The following SESTD1 variants were observed in gnomAD, a reference collection of about 807,000 sequenced individuals.
SESTD1 encodes SEC14 domain and spectrin repeat-containing protein 1.
SESTD1 carries 43 observed loss-of-function variants against 101.7 expected under a neutral mutation model. The ratio of observed to expected loss-of-function variants is 0.42; its 90% CI spans 0.33 to 0.55. The LOEUF is 0.55. SESTD1 is among the 20% of genes least tolerant of loss of function. The pLI is 0.07. For synonymous variants in SESTD1, 283 were observed against 286.8 expected (o/e 0.99, Z 0.13); for missense variants, 647 against 815.1 (o/e 0.79, Z 2.51).
At chr2:179,140,459 G>C (rs1056887386) in intron 9 of SESTD1, among the ~76,000 whole-genome samples, 1 of 152,138 alleles carries the variant, frequency 6.6e-6, no homozygotes, top group Admixed American at 6.5e-5. Flanking sequence ...GTCAAGGAGA[G>C]AGGCTGGAAC....
chr2:179,153,384 GAGGA>G (rs1300832894), intron 5 of SESTD1, among the ~76,000 whole-genome samples: 3 of 152,154 alleles, frequency 2.0e-5, no homozygotes, highest in Non-Finnish European at 4.4e-5. Context: ...TTTGGCAAGG[GAGGA>G]AGGAAGATGT....
chr2:179,228,771 G>A (rs1407612587), intron 1 of SESTD1, among the ~76,000 whole-genome samples: 2 of 152,084 alleles, frequency 1.3e-5, no homozygotes, highest in African/African-American at 2.4e-5. Flanking sequence ...CAAATTTCAC[G>A]CTTTTAATAC....
At chr2:179,142,600 C>G (rs1386615364) in intron 9 of SESTD1, among the ~76,000 whole-genome samples, 1 of 152,214 alleles carries the variant, frequency 6.6e-6, no homozygotes, top group Non-Finnish European at 1.5e-5. Flanking sequence ...CTCAACAGAA[C>G]TTGGGATTCT....
At chr2:179,137,843 TACTC>T (rs2045186356) in intron 9 of SESTD1, among the ~76,000 whole-genome samples, 1 of 152,220 alleles carries the variant, frequency 6.6e-6, no homozygotes, top group African/African-American at 2.4e-5. Flanking sequence ...TTAACAGAGA[TACTC>T]AGTTTATAAT....
At chr2:179,117,691 G>T in intron 13 of SESTD1, 78 bp from the exon 14 acceptor site, 1 of 1,106,116 alleles carries the variant, frequency 9.0e-7, no homozygotes, top group East Asian at 2.8e-5. Context: ...TTTGGTACAT[G>T]TATTTTATAG....
intron 1 of SESTD1, among the ~76,000 whole-genome samples, chr2:179,225,607 A>G (rs954845044): frequency 1.3e-5 from 2 of 152,208 alleles, no homozygotes; most frequent in African/African-American, 4.8e-5. Flanking sequence ...TAAGAAGTCC[A>G]TGATCAAGGC....
At chr2:179,185,505 G>A (rs1207352861) in intron 2 of SESTD1, among the ~76,000 whole-genome samples, 13 of 133,874 alleles carry the variant, frequency 9.7e-5, no homozygotes, top group Non-Finnish European at 1.2e-4. Context: ...ATATTATATC[G>A]TATATTGTAT....
At chr2:179,144,286 A>C (rs2045348396) in intron 8 of SESTD1, among the ~76,000 whole-genome samples, 1 of 152,072 alleles carries the variant, frequency 6.6e-6, no homozygotes, top group Non-Finnish European at 1.5e-5. Flanking sequence ...CCATATTCTC[A>C]ATCACAGCAT....
At chr2:179,250,020 C>G (rs2047292621) in intron 1 of SESTD1, among the ~76,000 whole-genome samples, 1 of 151,880 alleles carries the variant, frequency 6.6e-6, no homozygotes, top group African/African-American at 2.4e-5. Context: ...GGATCTAGAG[C>G]TGAAATTTCA....
intron 1 of SESTD1, among the ~76,000 whole-genome samples, chr2:179,259,636 C>T (rs1346884916): frequency 1.3e-5 from 2 of 152,066 alleles, no homozygotes; most frequent in Non-Finnish European, 2.9e-5. Flanking sequence ...AAACTTCTGA[C>T]TTAGGGCTTA....
chr2:179,252,654 A>G (rs2047335267), intron 1 of SESTD1, among the ~76,000 whole-genome samples: 1 of 152,098 alleles, frequency 6.6e-6, no homozygotes, highest in African/African-American at 2.4e-5. Context: ...TTTTGGTTTG[A>G]CTTGGTTAAA....
chr2:179,188,933 T>C (rs2046277680), intron 2 of SESTD1, among the ~76,000 whole-genome samples: 1 of 151,936 alleles, frequency 6.6e-6, no homozygotes, highest in Middle Eastern at 3.2e-3. Context: ...AATTGGTAAT[T>C]TAAAAAAATC....
intron 5 of SESTD1, among the ~76,000 whole-genome samples, chr2:179,153,740 A>G (rs1305732913): frequency 6.6e-6 from 1 of 152,198 alleles, no homozygotes; most frequent in Non-Finnish European, 1.5e-5. Context: ...GGAACATCTT[A>G]CCCAGACATC....
At chr2:179,189,224 T>A (rs576768423) in intron 2 of SESTD1, among the ~76,000 whole-genome samples, 32 of 152,206 alleles carry the variant, frequency 2.1e-4, no homozygotes, top group African/African-American at 6.3e-4. Flanking sequence ...AAGTTAATCC[T>A]CCACATTCAA....
At chr2:179,247,203 T>A (rs896073283) in intron 1 of SESTD1, among the ~76,000 whole-genome samples, 2 of 152,088 alleles carry the variant, frequency 1.3e-5, no homozygotes, top group East Asian at 3.8e-4. Context: ...ATATAATGCA[T>A]GCTGATCAGA....
rs148374871 is a variant in SESTD1 at position 179,177,542 on chromosome 2, C to G, written c.165-1004G>C. Reference sequence around the variant, plus strand: ...CTCCTCTTCTCCCTCCAAGCATGCACGCTAGTTCCAAGAAGGCTCTTGGAG... The same window carrying G: ...CTCCTCTTCTCCCTCCAAGCATGCAGGCTAGTTCCAAGAAGGCTCTTGGAG... On this transcript the variant is annotated intron_variant, in intron 3 of 17. Transcript: ENST00000428443. 3.0e-3 allele frequency among the ~76,000 whole-genome samples: 454 copies of G among 152,242 alleles called. 5 individuals are homozygous for G. Among genetic ancestry groups the G allele is most frequent in the African/African-American group, 0.011 (437 of 41,532 alleles).
At chr2:179,262,795 T>G (rs2047501456) in intron 1 of SESTD1, among the ~76,000 whole-genome samples, 1 of 152,202 alleles carries the variant, frequency 6.6e-6, no homozygotes, top group Admixed American at 6.5e-5. Flanking sequence ...CATTTTCAGA[T>G]ATATCATTAG....
chr2:179,252,677 G>C (rs2047335608), intron 1 of SESTD1, among the ~76,000 whole-genome samples: 2 of 152,134 alleles, frequency 1.3e-5, no homozygotes, highest in African/African-American at 4.8e-5. Context: ...GAGGAAGTAG[G>C]GGCTTTGCTT....
intron 3 of SESTD1, among the ~76,000 whole-genome samples, chr2:179,182,060 A>T (rs2046122985): frequency 6.6e-6 from 1 of 152,146 alleles, no homozygotes; most frequent in East Asian, 1.9e-4. Context: ...GTGCGATTAA[A>T]ATCAGTTGTT....
Sources: allele counts gnomAD v4.1 joint callset (sites outside exome capture counted in the v4.1 genomes callset), GRCh38; gene constraint gnomAD v4.1.1; transcripts MANE v1.5; gene names NCBI Gene and HGNC (gene_info 2026-07-23, HGNC 2026-07-21).